PHACTR2: variants seen among roughly 807,000 people sequenced by gnomAD.
PHACTR2 encodes chromosome 6 open reading frame 56.
In PHACTR2, 30 loss-of-function variants were observed where a neutral mutation model predicts 76.0. The observed-to-expected ratio is 0.39, with a 90% CI of 0.30 to 0.54. The LOEUF is 0.54. Ranked by LOEUF, PHACTR2 falls within the 20% of genes least tolerant of loss-of-function variation. PHACTR2 has a pLI of 0.61. For missense variants in PHACTR2, 696 were observed against 781.1 expected (o/e 0.89, Z 1.30); for synonymous variants, 292 against 292.5 (o/e 1.00, Z 0.02).
Position 143,661,979 on chromosome 6 carries a change from C to T in PHACTR2, c.14-50037C>T, listed in dbSNP as rs574929137. On this transcript the variant is annotated intron_variant, in intron 1 of 11. Coordinates refer to the PHACTR2 transcript ENST00000305766. ...AGGGTGATGTGTGGATTTAAAATGG[C>T]AATATTCCAAGCACATTTTGTATAT... Among the ~76,000 whole-genome samples the T allele has an allele frequency of 1.4e-3, 213 of 152,224 alleles. 1 individual carries two copies. Among genetic ancestry groups the T allele is most frequent in the Non-Finnish European group, 1.9e-3 (132 of 68,016 alleles).
chr6:143,769,242 A>G (rs1247955508), intron 6 of PHACTR2, among the ~76,000 whole-genome samples: 1 of 152,176 alleles, frequency 6.6e-6, no homozygotes. Context: ...GTGATACAAT[A>G]TAAGGTGAAA....
chr6:143,568,351 A>C (rs893805980), intron 1 of PHACTR2, among the ~76,000 whole-genome samples: 2 of 152,218 alleles, frequency 1.3e-5, no homozygotes, highest in Non-Finnish European at 2.9e-5. Flanking sequence ...ACTCTAAATT[A>C]ATATTCAAAA....
intron 1 of PHACTR2, among the ~76,000 whole-genome samples, chr6:143,693,927 G>C (rs1777709503): frequency 6.6e-6 from 1 of 152,096 alleles, no homozygotes; most frequent in Non-Finnish European, 1.5e-5. Flanking sequence ...AAATTATGTG[G>C]GTGTGGTGGT....
At chr6:143,560,411 A>G (rs1456824856) in intron 1 of PHACTR2, among the ~76,000 whole-genome samples, 1 of 152,214 alleles carries the variant, frequency 6.6e-6, no homozygotes, top group African/African-American at 2.4e-5. Context: ...ATTTACTGGT[A>G]GCAAGTTAAA....
In PHACTR2 at chr6:143,794,309, T is replaced by A. The variant is rs1775779492; in HGVS notation, c.1845+5399T>A. ...TTTCTGGTTTTTGTTGCTTTTTACC[T>A]TAAAACATTTTATAATATATTATTT... On this transcript the variant is annotated intron_variant, in intron 11 of 12. Transcript: ENST00000440869. This position sits in a 1 kb window ranked among gnomAD's most constrained non-coding sequence, Gnocchi z 4.1. Among the ~76,000 whole-genome samples the A allele has an allele frequency of 6.6e-6, 1 of 150,798 alleles. No homozygotes were observed. Among genetic ancestry groups the A allele is most frequent in the Non-Finnish European group, 1.5e-5 (1 of 67,714 alleles).
rs150088937 is a variant in PHACTR2, at chr6:143,558,258, A to C, written c.217+21051A>C. ...TATATTTGATGATATTAAGGAATTA[A>C]TGTTCCTTCTTAGGTGTGAAATAAT... On this transcript the variant is annotated intron_variant, in intron 1 of 11. Coordinates refer to the PHACTR2 transcript ENST00000367584. The surrounding 1 kb of genome is among the most constrained non-coding windows in gnomAD (Gnocchi z 4.7). The C allele has an allele frequency of 6.6e-6, 1 of 152,172 alleles. No homozygotes were observed. The highest frequency in any genetic ancestry group is 2.4e-5 in the African/African-American group (1 of 41,444). 9.4% of individuals were successfully genotyped at this position (152,172 alleles called of 1,614,324 possible). A position where few individuals can be genotyped will look rare whatever the true frequency, so the allele number is the denominator to read the frequency against.
At position 143,573,556 on chromosome 6, in the gene PHACTR2, C is replaced by A. The variant is rs193258844; in HGVS notation, c.217+36349C>A. ...CTACCTCCAAACCAGTTTTGTGAACCCATGAATTTTCTTTCCCTCCTTTTT... is the reference window on the plus strand; with the variant it reads ...CTACCTCCAAACCAGTTTTGTGAACACATGAATTTTCTTTCCCTCCTTTTT... On this transcript the variant is annotated intron_variant, in intron 1 of 11. Transcript: ENST00000367584. Among the ~76,000 whole-genome samples, 559 of 140,750 alleles carry A rather than the reference C, an allele frequency of 4.0e-3. 5 individuals are homozygous for A. Among genetic ancestry groups the A allele is most frequent in the African/African-American group, 0.014 (542 of 37,778 alleles). The allele number at this position is 140,750 out of a possible 152,430, so 92.3% of individuals were successfully genotyped here.
Position 143,684,052 on chromosome 6 carries a change from A to G in PHACTR2, c.46+5843A>G, listed in dbSNP as rs1307000637. 6.6e-6 allele frequency among the ~76,000 whole-genome samples: 1 copy of G among 152,208 alleles called. No homozygotes were observed. Among genetic ancestry groups the G allele is most frequent in the Non-Finnish European group, 1.5e-5 (1 of 68,042 alleles). On this transcript the variant is annotated intron_variant, in intron 1 of 12. Transcript: ENST00000440869. This position sits in a 1 kb window ranked among gnomAD's most constrained non-coding sequence, Gnocchi z 4.3. ...TGTGGATATATGAAAACTTCCTTTAAAAGAATCCTGTTGTATTTTAATATT... is the reference window on the plus strand; with the variant it reads ...TGTGGATATATGAAAACTTCCTTTAGAAGAATCCTGTTGTATTTTAATATT...
At chr6:143,779,657 G>T (rs1223278289) in intron 9 of PHACTR2, among the ~76,000 whole-genome samples, 2 of 151,978 alleles carry the variant, frequency 1.3e-5, no homozygotes, top group African/African-American at 4.8e-5. Flanking sequence ...CCTAACTAGG[G>T]CATCTTTTCT....
rs1157904780 is a variant in PHACTR2 at position 143,788,778 on chromosome 6, C to T, written c.1713C>T (p.Ser571=). The T allele has an allele frequency of 6.2e-7, 1 of 1,611,142 alleles. No individual in the cohort carries two copies. The highest frequency in any genetic ancestry group is 1.3e-5 in the African/African-American group (1 of 74,840). Residue 571 remains serine, a synonymous_variant, in exon 11 of 13, where the codon AGC becomes AGT. Coordinates refer to ENST00000440869, the MANE Select transcript of PHACTR2 (RefSeq NM_001100164.2). ...ELKRRLSRKL[S]LRPTVAELQA... The stretch of plus-strand genomic sequence containing the variant: ...TTTTCCTTGTCCTCCTGCAGCTCAG[C>T]CTGAGACCCACAGTGGCAGAGCTAC...
At position 143,780,202 on chromosome 6, in the gene PHACTR2, A is replaced by G. The variant is rs1455146619; in HGVS notation, c.1645+2819A>G. Among the ~76,000 whole-genome samples the G allele has an allele frequency of 6.6e-6, 1 of 152,202 alleles. No homozygotes were observed. Among genetic ancestry groups the G allele is most frequent in the Admixed American group, 6.5e-5 (1 of 15,278 alleles). On this transcript the variant is annotated intron_variant, in intron 9 of 12. Coordinates refer to ENST00000440869, the MANE Select transcript of PHACTR2 (RefSeq NM_001100164.2). This position sits in a 1 kb window ranked among gnomAD's most constrained non-coding sequence, Gnocchi z 4.4. Reference sequence around the variant, plus strand: ...GGAATTTTACAGTAAATCCGCATATATCTACCATCTATAGTCTGTCATTAA... The same window carrying G: ...GGAATTTTACAGTAAATCCGCATATGTCTACCATCTATAGTCTGTCATTAA...
intron 1 of PHACTR2, among the ~76,000 whole-genome samples, chr6:143,575,237 G>T (rs531079739): frequency 6.6e-6 from 1 of 152,200 alleles, no homozygotes; most frequent in South Asian, 2.1e-4. Flanking sequence ...TCTATCCGTG[G>T]TTCATAGTTC....
At chr6:143,790,369 C>T (rs191657789) in intron 11 of PHACTR2, among the ~76,000 whole-genome samples, 5 of 151,886 alleles carry the variant, frequency 3.3e-5, no homozygotes, top group South Asian at 2.1e-4. Context: ...TAACTGATAG[C>T]GTGGGAAAAA....
chr6:143,772,162 G>A lies in PHACTR2; in HGVS notation c.1233-96G>A. On this transcript the variant is annotated intron_variant, in intron 6 of 12. Coordinates refer to ENST00000440869, the MANE Select transcript of PHACTR2 (RefSeq NM_001100164.2). The surrounding 1 kb of genome is among the most constrained non-coding windows in gnomAD (Gnocchi z 5.4). Reference sequence around the variant, plus strand: ...AGTGTCTGCTTTCCTCAGCCTGAAGGAAGCCCATGAAACTAGAGCTCTTTT... The same window carrying A: ...AGTGTCTGCTTTCCTCAGCCTGAAGAAAGCCCATGAAACTAGAGCTCTTTT... 2 of 814,056 alleles carry A rather than the reference G, an allele frequency of 2.5e-6. No homozygotes were observed. Among genetic ancestry groups the A allele is most frequent in the Admixed American group, 1.8e-5 (1 of 54,084 alleles). The allele number at this position is 814,056 out of a possible 1,614,324, so 50.4% of individuals were successfully genotyped here. A position where few individuals can be genotyped will look rare whatever the true frequency, so the allele number is the denominator to read the frequency against.
rs1188215164 is a variant in PHACTR2, at chr6:143,580,246, G to A, written c.217+43039G>A. 1.3e-5 allele frequency among the ~76,000 whole-genome samples: 2 copies of A among 152,188 alleles called. No homozygotes were observed. Among genetic ancestry groups the A allele is most frequent in the Non-Finnish European group, 2.9e-5 (2 of 68,024 alleles). On this transcript the variant is annotated intron_variant, in intron 1 of 11. Coordinates refer to the PHACTR2 transcript ENST00000367584. This position sits in a 1 kb window ranked among gnomAD's most constrained non-coding sequence, Gnocchi z 4.2. Reference sequence around the variant, plus strand: ...CACTCCTGTAATCCCAGCACTTTGGGAGGCCAAGGCAGGCAGATCACGAGG... The same window carrying A: ...CACTCCTGTAATCCCAGCACTTTGGAAGGCCAAGGCAGGCAGATCACGAGG...
chr6:143,747,102 T>C lies in PHACTR2; in HGVS notation c.215-1883T>C, dbSNP rs1441753145. On this transcript the variant is annotated intron_variant, in intron 2 of 12. Coordinates refer to ENST00000440869, the MANE Select transcript of PHACTR2 (RefSeq NM_001100164.2). The stretch of plus-strand genomic sequence containing the variant: ...TATCCAAAAAAAGTTTGACAAAATG[T>C]GCAGTAAAGAGCTTATATATTGTAC... Among the ~76,000 whole-genome samples, 4 of 152,236 alleles carry C rather than the reference T, an allele frequency of 2.6e-5. No individual in the cohort carries two copies. In the South Asian group the frequency reaches 8.3e-4, roughly 32 times the overall value.
intron 2 of PHACTR2, among the ~76,000 whole-genome samples, chr6:143,721,655 G>C (rs3060566): frequency 0.019 from 2,675 of 143,718 alleles, 77 homozygotes; most frequent in African/African-American, 0.067. Flanking sequence ...GTGTGTGTGT[G>C]TCTGTGTGTG....
rs557817653 is a variant in PHACTR2 at position 143,680,428 on chromosome 6, G to A, written c.46+2219G>A. On this transcript the variant is annotated intron_variant, in intron 1 of 12. Transcript: ENST00000440869. The surrounding 1 kb of genome is among the most constrained non-coding windows in gnomAD (Gnocchi z 4.5). ...TGGGCGAAAATCTGTTTAAGTCAAA[G>A]GAATCAATAGCACAGAGTTTAATTA... 3.3e-5 allele frequency among the ~76,000 whole-genome samples: 5 copies of A among 152,134 alleles called. No individual in the cohort carries two copies. In the East Asian group the frequency reaches 9.6e-4, roughly 29 times the overall value.
In PHACTR2 at chr6:143,654,547, G is replaced by A. The variant is rs747319895; in HGVS notation, c.13+46225G>A. Among the ~76,000 whole-genome samples, 1 of 152,150 alleles carries A rather than the reference G, an allele frequency of 6.6e-6. No individual in the cohort carries two copies. Among genetic ancestry groups the A allele is most frequent in the Non-Finnish European group, 1.5e-5 (1 of 68,038 alleles). On this transcript the variant is annotated intron_variant, in intron 1 of 11. Coordinates refer to the PHACTR2 transcript ENST00000305766. The surrounding 1 kb of genome is among the most constrained non-coding windows in gnomAD (Gnocchi z 4.6). ...AGGCTGGATACTGTGGCTCACACCT[G>A]TAATCTTGGCACTTTGGGAGACTGA... is the stretch of plus-strand genomic sequence containing the variant.
Sources: gnomAD v4.1 joint callset for allele counts (sites outside exome capture counted in the v4.1 genomes callset) on GRCh38, gnomAD v4.1.1 for gene constraint, Gnocchi (gnomAD v3.1) non-coding constraint, MANE v1.5 for transcripts, NCBI Gene and HGNC (gene_info 2026-07-23, HGNC 2026-07-21) for gene names.